The following MVB12A variants were observed in gnomAD, a reference collection of about 807,000 sequenced individuals.
The protein encoded by MVB12A is multivesicular body subunit 12A, also known as CIN85/CD2AP family binding protein.
In MVB12A, 30 loss-of-function variants were observed where a neutral mutation model predicts 34.3. That is an observed-to-expected ratio of 0.88 (90% CI 0.65 to 1.19). MVB12A has a LOEUF of 1.19. Ranked by LOEUF, MVB12A falls within the 50% of genes most tolerant of loss-of-function variation. The pLI, the probability that MVB12A is intolerant of heterozygous loss-of-function variation, is 0.00. For synonymous variants in MVB12A, 158 were observed against 158.9 expected (o/e 0.99, Z 0.04); for missense variants, 355 against 369.2 (o/e 0.96, Z 0.31).
upstream of MVB12A, chr19:17,420,037 T>G: frequency 2.7e-5 from 9 of 337,844 alleles, no homozygotes; most frequent in East Asian, 1.8e-4. Context: ...CGCATGGCCT[T>G]CTGGGAGTTG....
intron 2 of MVB12A, among the ~76,000 whole-genome samples, chr19:17,408,293 T>G (rs1313957461): frequency 6.6e-6 from 1 of 151,848 alleles, no homozygotes; most frequent in Non-Finnish European, 1.5e-5. Context: ...GCAATCCTAG[T>G]ACTTTGGGAG....
chr19:17,414,471 T>G (rs1228206764), intron 2 of MVB12A: 1 of 152,410 alleles, frequency 6.6e-6, no homozygotes, highest in Middle Eastern at 3.4e-3. Flanking sequence ...ACACAGAGTA[T>G]CCTTAACCCA....
At chr19:17,411,202 G>A (rs1203489848) in intron 2 of MVB12A, among the ~76,000 whole-genome samples, 1 of 151,770 alleles carries the variant, frequency 6.6e-6, no homozygotes, top group Admixed American at 6.6e-5. Context: ...TCCTGACCTC[G>A]TGATCTGCCC....
chr19:17,410,529 T>TATACACACACACACACACACACAC, intron 2 of MVB12A, among the ~76,000 whole-genome samples: 1 of 74,466 alleles, frequency 1.3e-5, no homozygotes, highest in Non-Finnish European at 2.5e-5. Context: ...TATATATATA[T>TATACACACACACACACACACACAC]ACACACACAC....
chr19:17,410,529 T>TATACACACACACACACACACAC, intron 2 of MVB12A, among the ~76,000 whole-genome samples: 3 of 74,444 alleles, frequency 4.0e-5, no homozygotes, highest in African/African-American at 6.6e-5. Flanking sequence ...TATATATATA[T>TATACACACACACACACACACAC]ACACACACAC....
chr19:17,408,574 G>C (rs2074743565), intron 2 of MVB12A, among the ~76,000 whole-genome samples: 1 of 150,194 alleles, frequency 6.7e-6, no homozygotes, highest in South Asian at 2.1e-4. Flanking sequence ...AGCCTCCTGA[G>C]TAGCTGGGAT....
At chr19:17,419,937 G>C (rs2074824853), upstream of MVB12A, 1 of 401,536 alleles carries the variant, frequency 2.5e-6, no homozygotes, top group Non-Finnish European at 4.4e-6. Context: ...GCGACGCGTG[G>C]TGGCGAGGCT....
intron 2 of MVB12A, among the ~76,000 whole-genome samples, chr19:17,409,659 C>T (rs934441164): frequency 6.6e-6 from 1 of 150,902 alleles, no homozygotes; most frequent in African/African-American, 2.4e-5. Flanking sequence ...CCATGTTGGC[C>T]AGGCTGGTCT....
At chr19:17,423,332 C>T (rs921094258) in intron 4 of MVB12A, among the ~76,000 whole-genome samples, 166 bp from the exon 5 acceptor site, 11 of 149,678 alleles carry the variant, frequency 7.3e-5, no homozygotes, top group Non-Finnish European at 3.0e-5. Flanking sequence ...GCACTCCAGC[C>T]TGGGCAACAT....
upstream of MVB12A, chr19:17,417,087 C>G (rs554830668): frequency 5.9e-5 from 23 of 392,008 alleles, no homozygotes; most frequent in African/African-American, 4.5e-4. Context: ...CCCTTTGCAC[C>G]GTCAAACTTT....
chr19:17,425,022 CT>C lies in MVB12A; in HGVS notation c.*31del. The C allele has an allele frequency of 7.0e-7, 1 of 1,426,572 alleles. No homozygotes were observed. The highest frequency in any genetic ancestry group is 9.7e-7 in the Non-Finnish European group (1 of 1,026,798). The allele number at this position is 1,426,572 out of a possible 1,614,324, so 88.4% of individuals were successfully genotyped here. On this transcript the variant is annotated 3_prime_UTR_variant, in exon 9 of 9. Coordinates refer to ENST00000317040, the MANE Select transcript of MVB12A (RefSeq NM_138401.4). ...CTCACCCTTCCGCGGAAAGAGCCCC[CT>C]TACTCCACCTCCCCGCCAGCCTGGG...
upstream of MVB12A, chr19:17,420,043 A>T: frequency 6.2e-5 from 16 of 258,782 alleles, no homozygotes; most frequent in East Asian, 1.1e-4. Context: ...GCCTTCTGGG[A>T]GTTGTAGTTC....
upstream of MVB12A, chr19:17,417,902 T>TC (rs2074811456): frequency 4.3e-5 from 1 of 23,012 alleles, no homozygotes; most frequent in Non-Finnish European, 3.6e-4. Context: ...TTCTTCTTCC[T>TC]TTTTTTTTTT....
rs764239160 is a variant in MVB12A, at chr19:17,420,243, G to T, written c.90+18G>T. 113 of 1,512,458 alleles carry T rather than the reference G, an allele frequency of 7.5e-5. No individual in the cohort carries two copies. The highest frequency in any genetic ancestry group is 3.6e-4 in the Middle Eastern group (2 of 5,542). The allele number at this position is 1,512,458 out of a possible 1,614,324, so 93.7% of individuals were successfully genotyped here. A position where few individuals can be genotyped will look rare whatever the true frequency, so the allele number is the denominator to read the frequency against. On this transcript the variant is annotated intron_variant, in intron 1 of 8. Transcript: ENST00000317040. Reference sequence around the variant, plus strand: ...TCAGCGCGGTGAGCGGCGTCGAGGGGCGGGGGTCGAATGGGGGAGGCAGTC... The same window carrying T: ...TCAGCGCGGTGAGCGGCGTCGAGGGTCGGGGGTCGAATGGGGGAGGCAGTC...
At chr19:17,410,529 T>TATATATATATACACACACACAC in intron 2 of MVB12A, among the ~76,000 whole-genome samples, 2 of 74,444 alleles carry the variant, frequency 2.7e-5, no homozygotes, top group African/African-American at 1.3e-4. Flanking sequence ...TATATATATA[T>TATATATATATACACACACACAC]ACACACACAC....
chr19:17,410,313 T>C (rs532117103), intron 2 of MVB12A, among the ~76,000 whole-genome samples: 1 of 146,978 alleles, frequency 6.8e-6, no homozygotes, highest in Admixed American at 6.9e-5. Context: ...TGGGACTATA[T>C]GTGTGCACCA....
At chr19:17,415,427 A>AT (rs1181857075), upstream of MVB12A, 3 of 152,244 alleles carry the variant, frequency 2.0e-5, no homozygotes, top group African/African-American at 7.2e-5. Context: ...GCATAACAAC[A>AT]TAAAGCCTTG....
intron 3 of MVB12A, 108 bp from the exon 4 acceptor site, chr19:17,422,224 T>C: frequency 1.0e-6 from 1 of 987,958 alleles, no homozygotes; most frequent in African/African-American, 1.6e-5. Flanking sequence ...ATGTTGTCCA[T>C]GTGGCTGCCT....
chr19:17,417,117 C>A, upstream of MVB12A: 1 of 316,278 alleles, frequency 3.2e-6, no homozygotes, highest in Admixed American at 3.3e-5. Context: ...TTACAGTCAG[C>A]AACCTCTTCC....
Sources: allele counts gnomAD v4.1 joint callset (sites outside exome capture counted in the v4.1 genomes callset), GRCh38; gene constraint gnomAD v4.1.1; transcripts MANE v1.5; gene names NCBI Gene and HGNC (gene_info 2026-07-23, HGNC 2026-07-21).